CDH8: variants seen among roughly 807,000 people sequenced by gnomAD.
The protein encoded by CDH8 is cadherin 8, also known as cadherin-8.
CDH8 carries 17 observed loss-of-function variants against 68.1 expected under a neutral mutation model. The observed-to-expected ratio is 0.25, with a 90% CI of 0.17 to 0.37. The LOEUF is 0.37. Among genes scored for constraint, CDH8 ranks in the 10% least tolerant of loss-of-function variants. The pLI is 1.00. For missense variants in CDH8, 763 were observed against 999.3 expected (o/e 0.76, Z 3.19); for synonymous variants, 372 against 365.1 (o/e 1.02, Z -0.21).
chr16:61,824,136 C>A (rs1004725149), intron 5 of CDH8, among the ~76,000 whole-genome samples: 6 of 151,478 alleles, frequency 4.0e-5, no homozygotes, highest in African/African-American at 1.5e-4. Flanking sequence ...CATGAATGAA[C>A]CTAGAGGATA....
chr16:61,981,297 C>G (rs1597105997), intron 2 of CDH8, among the ~76,000 whole-genome samples: 1 of 152,264 alleles, frequency 6.6e-6, no homozygotes, highest in Middle Eastern at 3.4e-3. Flanking sequence ...TAATTATCCA[C>G]AATATTGCCT....
intron 10 of CDH8, among the ~76,000 whole-genome samples, chr16:61,700,615 C>T (rs1567430024): frequency 6.6e-6 from 1 of 150,470 alleles, no homozygotes; most frequent in African/African-American, 2.5e-5. Flanking sequence ...ATACTTTCTA[C>T]CCTAGGGGCT....
chr16:62,023,433 A>G (rs577926749), intron 1 of CDH8, among the ~76,000 whole-genome samples: 1 of 152,242 alleles, frequency 6.6e-6, no homozygotes, highest in East Asian at 1.9e-4. Flanking sequence ...TTTCTTCTGC[A>G]AAGTGGCATT....
chr16:61,677,146 C>T (rs368857171), intron 10 of CDH8, among the ~76,000 whole-genome samples: 3 of 151,530 alleles, frequency 2.0e-5, no homozygotes, highest in Non-Finnish European at 4.4e-5. Context: ...TTTGTCTTCT[C>T]GCTCCATTCC....
intron 4 of CDH8, among the ~76,000 whole-genome samples, chr16:61,837,633 A>T (rs1403876028): frequency 3.9e-5 from 6 of 152,092 alleles, no homozygotes; most frequent in Admixed American, 2.6e-4. Context: ...CACAGCAAAC[A>T]GTCACCACAA....
intron 2 of CDH8, among the ~76,000 whole-genome samples, chr16:61,934,592 C>T (rs929509686): frequency 1.3e-5 from 2 of 152,010 alleles, no homozygotes; most frequent in African/African-American, 2.4e-5. Flanking sequence ...CAGAACTCTG[C>T]GAGGTAGGTG....
intron 10 of CDH8, among the ~76,000 whole-genome samples, chr16:61,709,823 T>A (rs1231058543): frequency 6.6e-6 from 1 of 152,156 alleles, no homozygotes; most frequent in Middle Eastern, 3.2e-3. Flanking sequence ...TTGGTCCTCA[T>A]CTTCTTCCTC....
rs1567546201 is a variant in CDH8 at position 61,960,240 on chromosome 16, T to TACACACACATATATAC, written c.253-58768_253-58767insGTATATATGTGTGTGT. 1.0e-4 allele frequency among the ~76,000 whole-genome samples: 4 copies of TACACACACATATATAC among 38,106 alleles called. 1 individual carries two copies. The highest frequency in any genetic ancestry group is 4.9e-4 in the Admixed American group (2 of 4,054). The allele number at this position is 38,106 out of a possible 152,430, so 25.0% of individuals were successfully genotyped here. ...GTGTGTGTATACACACATATATACA[T>TACACACACATATATAC]GTGTGTGTGTATACACATACATATA... On this transcript the variant is annotated intron_variant, in intron 2 of 11. Coordinates refer to ENST00000577390, the MANE Select transcript of CDH8 (RefSeq NM_001796.5).
Position 61,653,492 on chromosome 16 carries a change from G to A in CDH8, c.*116C>T. ...ACATTAAAATGTGGTTGAGTTTATA[G>A]ATGACTGGTGCTAAACTTGCCTCTA... is the stretch of plus-strand genomic sequence containing the variant. On this transcript the variant is annotated 3_prime_UTR_variant, in exon 12 of 12. Coordinates refer to ENST00000577390, the MANE Select transcript of CDH8 (RefSeq NM_001796.5). 2.0e-6 allele frequency: 3 copies of A among 1,486,724 alleles called. No individual in the cohort carries two copies. Among genetic ancestry groups the A allele is most frequent in the Non-Finnish European group, 1.8e-6 (2 of 1,119,562 alleles). 92.1% of individuals were successfully genotyped at this position (1,486,724 alleles called of 1,614,324 possible). A position where few individuals can be genotyped will look rare whatever the true frequency, so the allele number is the denominator to read the frequency against.
intron 8 of CDH8, among the ~76,000 whole-genome samples, chr16:61,780,887 C>A (rs1285396894): frequency 2.6e-5 from 4 of 152,160 alleles, no homozygotes. Context: ...ATTTATGCCA[C>A]CCCAGCTAGT....
chr16:61,709,835 TTC>T lies in CDH8; in HGVS notation c.1654+4004_1654+4005del, dbSNP rs1964599288. Among the ~76,000 whole-genome samples the T allele has an allele frequency of 2.0e-5, 3 of 152,314 alleles. No homozygotes were observed. In the South Asian group the frequency reaches 6.2e-4, roughly 32 times the overall value. On this transcript the variant is annotated intron_variant, in intron 10 of 11. Transcript: ENST00000577390. ...TAGTTGGTCCTCATCTTCTTCCTCC[TTC>T]TTTTTATTTTGTCTATTTTAATACC...
chr16:61,656,300 C>T (rs1488724403), intron 10 of CDH8, among the ~76,000 whole-genome samples: 1 of 152,202 alleles, frequency 6.6e-6, no homozygotes, highest in Non-Finnish European at 1.5e-5. Flanking sequence ...CAAAAATAAT[C>T]TTTAAGTGTC....
chr16:62,035,333 C>T (rs766422938), intron 1 of CDH8, among the ~76,000 whole-genome samples: 3 of 152,172 alleles, frequency 2.0e-5, no homozygotes, highest in Non-Finnish European at 4.4e-5. Context: ...ACGGAGTCCC[C>T]GGCTTAAGGG....
chr16:62,001,312 C>T (rs917091048), intron 2 of CDH8, among the ~76,000 whole-genome samples: 1 of 152,152 alleles, frequency 6.6e-6, no homozygotes, highest in Non-Finnish European at 1.5e-5. Flanking sequence ...ATCTCCTTTA[C>T]TTAGGATTTC....
chr16:61,987,177 T>C (rs1965643760), intron 2 of CDH8, among the ~76,000 whole-genome samples: 1 of 152,142 alleles, frequency 6.6e-6, no homozygotes, highest in South Asian at 2.1e-4. Flanking sequence ...TCACTGTGGA[T>C]CATACAATTT....
intron 2 of CDH8, among the ~76,000 whole-genome samples, chr16:62,011,098 A>T (rs1901800442): frequency 4.0e-5 from 6 of 151,858 alleles, no homozygotes; most frequent in Admixed American, 3.9e-4. Flanking sequence ...AGAAATAAAA[A>T]TATGCATGTA....
intron 8 of CDH8, among the ~76,000 whole-genome samples, chr16:61,778,312 TAA>T (rs1960952791): frequency 6.6e-6 from 1 of 152,156 alleles, no homozygotes; most frequent in Non-Finnish European, 1.5e-5. Context: ...ATATAAAATC[TAA>T]AGTCTTTAGT....
chr16:61,675,892 T>A (rs937681702), intron 10 of CDH8, among the ~76,000 whole-genome samples: 2 of 151,104 alleles, frequency 1.3e-5, no homozygotes, highest in Non-Finnish European at 3.0e-5. Context: ...ACAATATTAA[T>A]AATAATAAAA....
At chr16:61,701,140 C>T (rs4476168) in intron 10 of CDH8, among the ~76,000 whole-genome samples, 20,188 of 152,146 alleles carry the variant, frequency 0.13, 1,411 homozygotes, top group African/African-American at 0.17. Flanking sequence ...GATTTCAGGC[C>T]ACTGGGAGTG....
Sources: allele counts gnomAD v4.1 joint callset (sites outside exome capture counted in the v4.1 genomes callset), GRCh38; gene constraint gnomAD v4.1.1; transcripts MANE v1.5; gene names NCBI Gene and HGNC (gene_info 2026-07-23, HGNC 2026-07-21).